The following GNG7 variants were observed in gnomAD, a reference collection of about 807,000 sequenced individuals.
GNG7 encodes the protein guanine nucleotide-binding protein G(I)/G(S)/G(O) subunit gamma-7.
Under a neutral mutation model 4.0 loss-of-function variants are expected in GNG7, and 1 was observed. That is an observed-to-expected ratio of 0.25 (90% CI 0.09 to 1.18). The LOEUF (loss-of-function observed/expected upper bound fraction) is 1.18. GNG7 is among the 50% of genes most tolerant of loss of function. The pLI is 0.50. For missense variants in GNG7, 86 were observed against 91.9 expected, an observed-to-expected ratio of 0.94 and a Z score of 0.26; for synonymous variants, 34 against 36.9, an observed-to-expected ratio of 0.92 and a Z score of 0.29.
rs770566550 is a variant in GNG7 at position 2,515,064 on chromosome 19, C to G, written c.165G>C (p.Ser55=). Residue 55 remains serine (S), a synonymous_variant, in exon 5 of 5, where the codon TCG becomes TCC. Coordinates refer to ENST00000382159, the MANE Select transcript of GNG7 (RefSeq NM_052847.3). ...GTTTCTTGTCCTTAAAGGGGTTCTC[C>G]GAGGCAGGGACTCCGACCAGCAGGG... ...NDPLLVGVPA[S]ENPFKDKKPC... 6 of 1,613,820 alleles carry G rather than the reference C, an allele frequency of 3.7e-6. 1 individual carries two copies. The highest frequency in any genetic ancestry group is 1.7e-4 in the Middle Eastern group (1 of 6,060).
intron 3 of GNG7, among the ~76,000 whole-genome samples, chr19:2,533,272 C>G (rs1978649534): frequency 6.8e-6 from 1 of 147,836 alleles, no homozygotes; most frequent in Non-Finnish European, 1.5e-5. Context: ...AAATAAATGC[C>G]TCTCAAAAAT....
At chr19:2,643,061 C>T (rs763661729) in intron 2 of GNG7, 5 of 452,814 alleles carry the variant, frequency 1.1e-5, no homozygotes, top group African/African-American at 2.0e-5. Context: ...GAGCCCTCTC[C>T]GGGCTCTGCA....
intron 3 of GNG7, among the ~76,000 whole-genome samples, chr19:2,531,372 A>G (rs1287934675): frequency 6.6e-6 from 1 of 151,430 alleles, no homozygotes; most frequent in Non-Finnish European, 1.5e-5. Context: ...TCTAGCAACT[A>G]CAGCAGAGTT....
intron 2 of GNG7, among the ~76,000 whole-genome samples, chr19:2,583,437 G>A (rs980882328): frequency 1.3e-5 from 2 of 152,202 alleles, no homozygotes; most frequent in East Asian, 3.8e-4. Flanking sequence ...TGAGGTTGGG[G>A]AGGACCAAGA....
In GNG7 at chr19:2,661,292, A is replaced by AGGAG. The variant is rs1568277750; in HGVS notation, c.-134-15013_-134-15012insCTCC. ...AAGAAAAGAAAGAAAGAAAGAAAGAAAGAAAGAAAGAGAAAGAAAGAAAGA... is the reference window on the plus strand; with the variant it reads ...AAGAAAAGAAAGAAAGAAAGAAAGAAGGAGAGAAAGAAAGAGAAAGAAAGAAAGA... On this transcript the variant is annotated intron_variant, in intron 1 of 4. Coordinates refer to ENST00000382159, the MANE Select transcript of GNG7 (RefSeq NM_052847.3). Among the ~76,000 whole-genome samples the AGGAG allele has an allele frequency of 2.0e-3, 75 of 37,826 alleles. 2 individuals are homozygous for AGGAG. The highest frequency in any genetic ancestry group is 7.8e-3 in the African/African-American group (72 of 9,246). The allele number at this position is 37,826 out of a possible 152,430, so 24.8% of individuals were successfully genotyped here.
In GNG7 at chr19:2,546,352, C is replaced by T. The variant is rs1194069925; in HGVS notation, c.-38+8797G>A. ...GGTCGCCCAGCAGGGCCTGGGAGGGCGGCTGTGTGTGGGGCCTTCCGTGCC... is the reference window on the plus strand; with the variant it reads ...GGTCGCCCAGCAGGGCCTGGGAGGGTGGCTGTGTGTGGGGCCTTCCGTGCC... On this transcript the variant is annotated intron_variant, in intron 3 of 4. Transcript: ENST00000382159. This position sits in a 1 kb window ranked among gnomAD's most constrained non-coding sequence, Gnocchi z 6.3. 2.6e-5 allele frequency among the ~76,000 whole-genome samples: 4 copies of T among 152,234 alleles called. No homozygotes were observed. Among genetic ancestry groups the T allele is most frequent in the South Asian group, 2.1e-4 (1 of 4,836 alleles).
chr19:2,589,705 G>A (rs11880537), intron 2 of GNG7, among the ~76,000 whole-genome samples: 11,259 of 152,162 alleles, frequency 0.074, 1,379 homozygotes, highest in African/African-American at 0.26. Context: ...ACTAAGTCCA[G>A]GAGCATTTAA....
chr19:2,688,979 C>T (rs1460887322), intron 1 of GNG7, among the ~76,000 whole-genome samples: 1 of 151,740 alleles, frequency 6.6e-6, no homozygotes, highest in Non-Finnish European at 1.5e-5. Context: ...GTGGGAGGAT[C>T]GCTTGAGCCC....
Position 2,697,794 on chromosome 19 carries a change from C to G in GNG7, c.-135+4852G>C, listed in dbSNP as rs375000372. On this transcript the variant is annotated intron_variant, in intron 1 of 4. Transcript: ENST00000382159. The stretch of plus-strand genomic sequence containing the variant: ...ACATGGTGAGGGCCCCGTCCCCCCC[C>G]CCGCCCGTCTCTACTAAAAATACAA... Among the ~76,000 whole-genome samples, 251 of 151,244 alleles carry G rather than the reference C, an allele frequency of 1.7e-3. 2 individuals are homozygous for G. Among genetic ancestry groups the G allele is most frequent in the African/African-American group, 3.1e-3 (128 of 41,238 alleles).
chr19:2,551,179 G>T (rs1442238594), intron 3 of GNG7, among the ~76,000 whole-genome samples: 2 of 152,212 alleles, frequency 1.3e-5, no homozygotes, highest in Admixed American at 1.3e-4. Context: ...CGGGGCTCAG[G>T]GCAGGCTCCA....
chr19:2,642,651 C>A (rs751356161), intron 2 of GNG7: 1 of 382,830 alleles, frequency 2.6e-6, no homozygotes, highest in Non-Finnish European at 5.2e-6. Flanking sequence ...CAGGTGCGTG[C>A]CACCATACCT....
intron 3 of GNG7, among the ~76,000 whole-genome samples, chr19:2,544,741 C>G (rs1296141149): frequency 6.6e-6 from 1 of 152,134 alleles, no homozygotes; most frequent in Non-Finnish European, 1.5e-5. Context: ...GCCAGGAAAC[C>G]CTGGGCGATG....
chr19:2,522,204 G>A (rs1978312583), intron 3 of GNG7, among the ~76,000 whole-genome samples: 1 of 152,120 alleles, frequency 6.6e-6, no homozygotes, highest in Non-Finnish European at 1.5e-5. Context: ...TCCAGGGAAC[G>A]ATCCAGCCCC....
At chr19:2,600,695 C>T (rs1273598735) in intron 2 of GNG7, among the ~76,000 whole-genome samples, 1 of 151,694 alleles carries the variant, frequency 6.6e-6, no homozygotes, top group African/African-American at 2.4e-5. Context: ...AGGCTGGTCT[C>T]GAACTCCTGA....
At chr19:2,644,191 T>G (rs1471536485) in intron 2 of GNG7, among the ~76,000 whole-genome samples, 2 of 151,628 alleles carry the variant, frequency 1.3e-5, no homozygotes, top group Non-Finnish European at 2.9e-5. Flanking sequence ...TGGCTAATTT[T>G]TGTATTTTTA....
chr19:2,575,260 A>T (rs556802233), intron 2 of GNG7, among the ~76,000 whole-genome samples: 183 of 151,992 alleles, frequency 1.2e-3, no homozygotes, highest in African/African-American at 3.0e-3. Flanking sequence ...AATTTTTAAA[A>T]TTTTTTTGTA....
chr19:2,589,481 A>G (rs1043448897), intron 2 of GNG7, among the ~76,000 whole-genome samples: 3 of 146,240 alleles, frequency 2.1e-5, no homozygotes, highest in Non-Finnish European at 4.5e-5. Context: ...TGGCCTCCCT[A>G]AGTGCTGAGA....
intron 4 of GNG7, among the ~76,000 whole-genome samples, chr19:2,519,789 C>T (rs375178032): frequency 1.3e-5 from 2 of 152,118 alleles, no homozygotes; most frequent in South Asian, 2.1e-4. Flanking sequence ...ACCAACTCTT[C>T]CCTGGGTCTC....
intron 3 of GNG7, among the ~76,000 whole-genome samples, chr19:2,540,415 G>A (rs984423526): frequency 7.9e-5 from 12 of 152,166 alleles, no homozygotes; most frequent in African/African-American, 2.9e-4. Flanking sequence ...GCCTCCCAAA[G>A]TGCTGGGATT....
Sources: gnomAD v4.1 joint callset for allele counts (sites outside exome capture counted in the v4.1 genomes callset) on GRCh38, gnomAD v4.1.1 for gene constraint, Gnocchi (gnomAD v3.1) non-coding constraint, MANE v1.5 for transcripts, NCBI Gene and HGNC (gene_info 2026-07-23, HGNC 2026-07-21) for gene names.